Variants in CACNG4 observed in about 807,000 individuals in gnomAD.
CACNG4 encodes voltage-dependent calcium channel gamma-4 subunit.
Under a neutral mutation model 22.9 loss-of-function variants are expected in CACNG4, and 8 were observed. That is an observed-to-expected ratio of 0.35 (90% CI 0.21 to 0.63). The LOEUF (loss-of-function observed/expected upper bound fraction) is 0.63, where lower values mean the gene tolerates loss of function less well. Among genes scored for constraint, CACNG4 ranks in the 30% least tolerant of loss-of-function variants. The pLI is 0.72. For missense variants in CACNG4, 357 were observed against 455.4 expected (o/e 0.78, Z 1.97); for synonymous variants, 188 against 191.9 (o/e 0.98, Z 0.17).
chr17:66,966,102 C>T (rs900173958), intron 1 of CACNG4, among the ~76,000 whole-genome samples: 4 of 152,174 alleles, frequency 2.6e-5, no homozygotes, highest in African/African-American at 9.6e-5. Context: ...ATTTCAGCCC[C>T]GGGACCGTGG....
Position 66,984,789 on chromosome 17 carries a change from G to A in CACNG4, c.220+19658G>A, listed in dbSNP as rs80267952. Among the ~76,000 whole-genome samples, 1,009 of 152,296 alleles carry A rather than the reference G, an allele frequency of 6.6e-3. 6 individuals carry two copies. Among genetic ancestry groups the A allele is most frequent in the African/African-American group, 0.023 (956 of 41,572 alleles). ...GTCACCCTGGATTCTTCACCCAGAA[G>A]GCGAAGCAGCAGGGGCAGAGTTTGA... is the stretch of plus-strand genomic sequence containing the variant. On this transcript the variant is annotated intron_variant, in intron 1 of 3. Coordinates refer to ENST00000262138, the MANE Select transcript of CACNG4 (RefSeq NM_014405.4). This position sits in a 1 kb window ranked among gnomAD's most constrained non-coding sequence, Gnocchi z 4.0.
At chr17:67,013,660 C>T (rs2035480224) in intron 1 of CACNG4, among the ~76,000 whole-genome samples, 1 of 152,048 alleles carries the variant, frequency 6.6e-6, no homozygotes, top group Admixed American at 6.6e-5. Flanking sequence ...CAAAAATTAG[C>T]CAGGCTTAGT....
At chr17:66,981,749 A>G (rs1187714593) in intron 1 of CACNG4, among the ~76,000 whole-genome samples, 5 of 152,208 alleles carry the variant, frequency 3.3e-5, no homozygotes, top group Non-Finnish European at 7.3e-5. Context: ...TGAATAGTTT[A>G]AAAAATAAGA....
chr17:67,007,838 C>T (rs1478081208), intron 1 of CACNG4, among the ~76,000 whole-genome samples: 1 of 152,202 alleles, frequency 6.6e-6, no homozygotes, highest in East Asian at 1.9e-4. Flanking sequence ...TCAACGGACA[C>T]CTGTGTTCCA....
intron 1 of CACNG4, among the ~76,000 whole-genome samples, 177 bp downstream of exon 1, chr17:66,965,308 G>A (rs1353433288): frequency 6.6e-6 from 1 of 150,934 alleles, no homozygotes; most frequent in Non-Finnish European, 1.5e-5. Flanking sequence ...AGCCGGAGCT[G>A]GCGGGCGGGT....
intron 1 of CACNG4, among the ~76,000 whole-genome samples, chr17:67,006,014 A>G (rs2035435431): frequency 1.3e-5 from 2 of 152,118 alleles, no homozygotes; most frequent in Admixed American, 1.3e-4. Flanking sequence ...ACATTATCCC[A>G]TCAACCACCC....
intron 3 of CACNG4, among the ~76,000 whole-genome samples, chr17:67,026,755 G>A (rs2035570245): frequency 6.6e-6 from 1 of 151,592 alleles, no homozygotes; most frequent in Admixed American, 6.6e-5. Flanking sequence ...GTGTGTGTGA[G>A]GACTATGGTG....
chr17:66,968,307 C>T (rs914794524), intron 1 of CACNG4, among the ~76,000 whole-genome samples: 2 of 152,282 alleles, frequency 1.3e-5, no homozygotes, highest in East Asian at 1.9e-4. Flanking sequence ...GTTGGGCTGG[C>T]GGCAGCATGA....
intron 1 of CACNG4, among the ~76,000 whole-genome samples, chr17:67,005,250 G>T (rs1240746328): frequency 6.6e-6 from 1 of 152,192 alleles, no homozygotes; most frequent in Non-Finnish European, 1.5e-5. Context: ...GGTCCAGCTT[G>T]GGCCAGAGGT....
At chr17:67,029,889 C>T (rs1324212521) in intron 3 of CACNG4, among the ~76,000 whole-genome samples, 2 of 152,228 alleles carry the variant, frequency 1.3e-5, no homozygotes, top group African/African-American at 4.8e-5. Context: ...AAGGAATGCA[C>T]CCCGTGGTTG....
chr17:66,971,123 C>T (rs1361034010), intron 1 of CACNG4, among the ~76,000 whole-genome samples: 2 of 152,178 alleles, frequency 1.3e-5, no homozygotes, highest in Admixed American at 6.5e-5. Flanking sequence ...TGTTCTGGAA[C>T]ACTCCTCCCA....
intron 1 of CACNG4, among the ~76,000 whole-genome samples, chr17:66,979,069 G>GTCT (rs34055698): frequency 0.22 from 33,193 of 151,922 alleles, 6,484 homozygotes; most frequent in African/African-American, 0.52. Context: ...TGTGTCTCCA[G>GTCT]TCTTCTTTGT....
chr17:67,022,204 C>T (rs1319020569), intron 2 of CACNG4, among the ~76,000 whole-genome samples: 3 of 151,532 alleles, frequency 2.0e-5, no homozygotes, highest in Non-Finnish European at 2.9e-5. Context: ...CCTCCTGAAT[C>T]GCTGGGATTA....
At position 67,031,137 on chromosome 17, in the gene CACNG4, G is replaced by A; in HGVS notation, c.*133G>A. ...GCAGCCCTCCCTGGCCTCCAGAGGT[G>A]GCGTGGGCTGGCTTTGCACGAAGGT... On this transcript the variant is annotated 3_prime_UTR_variant, in exon 4 of 4. Transcript: ENST00000262138. The surrounding 1 kb of genome is among the most constrained non-coding windows in gnomAD (Gnocchi z 4.0). The A allele has an allele frequency of 4.1e-6, 4 of 974,906 alleles. No homozygotes were observed. Among genetic ancestry groups the A allele is most frequent in the Non-Finnish European group, 6.0e-6 (4 of 661,586 alleles). 60.4% of individuals were successfully genotyped at this position (974,906 alleles called of 1,614,324 possible).
At chr17:67,011,624 G>GGAATGAAT (rs67913831) in intron 1 of CACNG4, among the ~76,000 whole-genome samples, 15 of 147,304 alleles carry the variant, frequency 1.0e-4, no homozygotes, top group South Asian at 4.2e-4. Context: ...ATGCTCTTGA[G>GGAATGAAT]GAATGAATGA....
At chr17:66,995,131 G>A (rs1031566111) in intron 1 of CACNG4, among the ~76,000 whole-genome samples, 1 of 152,186 alleles carries the variant, frequency 6.6e-6, no homozygotes, top group African/African-American at 2.4e-5. Context: ...CCTCCGTGGA[G>A]GTGGCCCTGG....
At chr17:66,973,747 G>T (rs898272933) in intron 1 of CACNG4, among the ~76,000 whole-genome samples, 34 of 152,208 alleles carry the variant, frequency 2.2e-4, no homozygotes, top group African/African-American at 8.0e-4. Flanking sequence ...GCTCTCTCCA[G>T]CGGGTGCATG....
rs551117380 is a variant in CACNG4, at chr17:67,031,727, CCTCA to C, written c.*728_*731del. 350 of 456,724 alleles carry C rather than the reference CCTCA, an allele frequency of 7.7e-4. No homozygotes were observed. The highest frequency in any genetic ancestry group is 6.4e-3 in the African/African-American group (319 of 50,176). 28.3% of individuals were successfully genotyped at this position (456,724 alleles called of 1,614,324 possible). On this transcript the variant is annotated 3_prime_UTR_variant, in exon 4 of 4. Transcript: ENST00000262138. This position sits in a 1 kb window ranked among gnomAD's most constrained non-coding sequence, Gnocchi z 4.0. ...TCCTCTTTGCTTCTGGAAGTTTCTG[CCTCA>C]CTCAGAATGGGCAGGACAGACCCAC... is the stretch of plus-strand genomic sequence containing the variant.
chr17:67,026,229 A>G (rs1200442976), intron 3 of CACNG4, among the ~76,000 whole-genome samples: 1 of 134,040 alleles, frequency 7.5e-6, no homozygotes, highest in Non-Finnish European at 1.6e-5. Context: ...GTGTGTGAAG[A>G]GTGTGGTGTG....
Sources: gnomAD v4.1 joint callset for allele counts (sites outside exome capture counted in the v4.1 genomes callset) on GRCh38, gnomAD v4.1.1 for gene constraint, Gnocchi (gnomAD v3.1) non-coding constraint, MANE v1.5 for transcripts, NCBI Gene and HGNC (gene_info 2026-07-23, HGNC 2026-07-21) for gene names.